Variants in HMCN1 observed in about 807,000 individuals in gnomAD.
HMCN1 encodes the protein hemicentin-1.
A neutral mutation model predicts 625.9 loss-of-function variants in HMCN1; 321 were observed. The ratio of observed to expected loss-of-function variants is 0.51; its 90% CI spans 0.47 to 0.56. The LOEUF is 0.56. HMCN1 is among the 20% of genes least tolerant of loss of function. The probability of loss-of-function intolerance (pLI) is 0.00; values close to 1 mark genes in which losing one functional copy is unlikely to be tolerated. For missense variants in HMCN1, 6,588 were observed against 6,887.3 expected (o/e 0.96, Z 1.54); for synonymous variants, 2,425 against 2,417.6 (o/e 1.00, Z -0.09).
chr1:186,148,157 T>A (rs925868820), intron 93 of HMCN1, among the ~76,000 whole-genome samples: 9 of 152,244 alleles, frequency 5.9e-5, no homozygotes, highest in Non-Finnish European at 1.3e-4. Context: ...GTAGATTCCA[T>A]ATCAAACAAC....
intron 93 of HMCN1, among the ~76,000 whole-genome samples, chr1:186,149,196 G>C (rs1337774777): frequency 6.6e-6 from 1 of 152,154 alleles, no homozygotes; most frequent in Admixed American, 6.5e-5. Context: ...GCCAGGCATT[G>C]ATTTTACTTC....
chr1:186,164,657 G>A (rs1301930967), intron 97 of HMCN1, among the ~76,000 whole-genome samples: 1 of 152,148 alleles, frequency 6.6e-6, no homozygotes, highest in Non-Finnish European at 1.5e-5. Flanking sequence ...TAGTGCTAAT[G>A]CGGGAGATCC....
At chr1:185,764,792 A>T (rs957299374) in intron 1 of HMCN1, among the ~76,000 whole-genome samples, 2 of 152,334 alleles carry the variant, frequency 1.3e-5, no homozygotes, top group South Asian at 2.1e-4. Context: ...GTAATTTGAT[A>T]TAAATAAATT....
Position 185,970,358 on chromosome 1 carries a change from A to G in HMCN1, c.2236A>G (p.Thr746Ala), listed in dbSNP as rs761774209. 19 of 1,613,660 alleles carry G rather than the reference A, an allele frequency of 1.2e-5. No homozygotes were observed. In the South Asian group the frequency reaches 1.3e-4, roughly 11 times the overall value. The change falls in exon 15 of 107, where the codon ACA (threonine) becomes GCA (alanine). Residue 746 changes from threonine to alanine, a missense_variant. Physicochemically the swap from Thr to Ala is moderately conservative, Grantham distance 58 (BLOSUM62 0). Around this residue, in one of 3 missense-constraint regions of HMCN1, gnomAD observed 4,628 missense variants for 4,853.1 expected, o/e 0.95. Transcript: ENST00000271588. The part of the protein sequence containing the change: ...FKGDLELRPS[T>A]FLIIDPLLGL... Reference sequence around the variant, plus strand: ...AGGAGATCTTGAGTTGAGGCCCTCAACATTCCTCATTATTGACCCTCTCTT... The same window carrying G: ...AGGAGATCTTGAGTTGAGGCCCTCAGCATTCCTCATTATTGACCCTCTCTT...
intron 1 of HMCN1, among the ~76,000 whole-genome samples, chr1:185,805,645 G>A (rs1255631393): frequency 6.6e-6 from 1 of 152,072 alleles, no homozygotes. Flanking sequence ...TGATCTTTTT[G>A]CAAATTTATT....
chr1:186,138,661 A>G (rs1021014730), intron 89 of HMCN1, among the ~76,000 whole-genome samples: 9 of 152,174 alleles, frequency 5.9e-5, no homozygotes, highest in African/African-American at 2.2e-4. Flanking sequence ...ACTGGCTCAC[A>G]GGGGCCTTAT....
intron 6 of HMCN1, among the ~76,000 whole-genome samples, chr1:185,915,446 A>G (rs992912574): frequency 1.5e-4 from 23 of 151,988 alleles, no homozygotes; most frequent in African/African-American, 4.8e-4. Context: ...TCAGCACCCA[A>G]TGGGTTTAGG....
rs568152058 is a variant in HMCN1, at chr1:186,023,286, G to A, written c.5749+133G>A. 1.5e-4 allele frequency: 107 copies of A among 717,918 alleles called. No homozygotes were observed. The South Asian group carries it at 1.9e-3, about 13-fold the overall frequency. The allele number at this position is 717,918 out of a possible 1,614,324, so 44.5% of individuals were successfully genotyped here. On this transcript the variant is annotated intron_variant, in intron 36 of 106. Coordinates refer to ENST00000271588, the MANE Select transcript of HMCN1 (RefSeq NM_031935.3). The stretch of plus-strand genomic sequence containing the variant: ...TCTTAGTCTGTATAAAAAAAACCTA[G>A]GGTTTTTTTTTTTTTTTTACATTAT...
chr1:186,078,685 T>A (rs193263937), intron 55 of HMCN1, among the ~76,000 whole-genome samples: 1 of 152,222 alleles, frequency 6.6e-6, no homozygotes, highest in African/African-American at 2.4e-5. Flanking sequence ...GTATTTACAA[T>A]TGAAGCCCTA....
At chr1:185,787,391 TACTC>T (rs977830408) in intron 1 of HMCN1, among the ~76,000 whole-genome samples, 1 of 152,158 alleles carries the variant, frequency 6.6e-6, no homozygotes, top group Non-Finnish European at 1.5e-5. Flanking sequence ...GCGCATGCCA[TACTC>T]AATCAGAGTC....
chr1:186,057,456 T>C (rs576724581), intron 46 of HMCN1, 55 bp downstream of exon 46: 8 of 1,218,268 alleles, frequency 6.6e-6, no homozygotes, highest in Non-Finnish European at 9.7e-6. Flanking sequence ...GGCTACAATT[T>C]CTCCTTAATT....
intron 70 of HMCN1, among the ~76,000 whole-genome samples, chr1:186,107,947 A>G (rs1406345565): frequency 1.3e-5 from 2 of 151,444 alleles, no homozygotes; most frequent in Non-Finnish European, 2.9e-5. Flanking sequence ...GTTCATTCTC[A>G]TAGCCTAAAT....
intron 30 of HMCN1, among the ~76,000 whole-genome samples, chr1:186,008,375 A>T (rs917461882): frequency 1.3e-5 from 2 of 152,172 alleles, no homozygotes; most frequent in African/African-American, 4.8e-5. Flanking sequence ...AATATGAAAA[A>T]TGTAATATAT....
intron 97 of HMCN1, among the ~76,000 whole-genome samples, chr1:186,159,068 G>C (rs1312128870): frequency 1.3e-5 from 2 of 152,042 alleles, no homozygotes; most frequent in Non-Finnish European, 2.9e-5. Flanking sequence ...CATGAGCATG[G>C]AATGTTCTTC....
chr1:186,001,540 A>G lies in HMCN1; in HGVS notation c.4201-54A>G, dbSNP rs1653199662. 3.7e-6 allele frequency: 6 copies of G among 1,606,926 alleles called. No individual in the cohort carries two copies. The East Asian group carries it at 8.9e-5, about 24-fold the overall frequency. ...TATAAACATTCTACTTCAATTTTTA[A>G]TTATGCATTTTTATTAGGATTGGAA... On this transcript the variant is annotated intron_variant, in intron 27 of 106. Coordinates refer to ENST00000271588, the MANE Select transcript of HMCN1 (RefSeq NM_031935.3).
Position 186,000,338 on chromosome 1 carries a change from G to A in HMCN1, c.4069+99G>A, listed in dbSNP as rs1421621270. 2.4e-5 allele frequency: 20 copies of A among 845,112 alleles called. No individual in the cohort carries two copies. In the Admixed American group the frequency reaches 3.8e-4, roughly 16 times the overall value. 52.4% of individuals were successfully genotyped at this position (845,112 alleles called of 1,614,324 possible). ...GTGTAATATCATTTAATATTAATGT[G>A]AATAGCAGTATTACCAAACAGAAAT... On this transcript the variant is annotated intron_variant, in intron 26 of 106. Transcript: ENST00000271588.
At position 186,022,791 on chromosome 1, in the gene HMCN1, C is replaced by T. The variant is rs141462947; in HGVS notation, c.5626-239C>T. 2.1e-3 allele frequency among the ~76,000 whole-genome samples: 324 copies of T among 151,688 alleles called. 5 individuals carry two copies. In the South Asian group the frequency reaches 0.042, roughly 20 times the overall value. On this transcript the variant is annotated intron_variant, in intron 35 of 106. Coordinates refer to ENST00000271588, the MANE Select transcript of HMCN1 (RefSeq NM_031935.3). ...CAGTATGACTATACCAGTAAGCTGGCCTTATGTTATTTTATTTTGTGTTTT... is the reference window on the plus strand; with the variant it reads ...CAGTATGACTATACCAGTAAGCTGGTCTTATGTTATTTTATTTTGTGTTTT...
chr1:185,859,433 T>A (rs192775794), intron 2 of HMCN1, among the ~76,000 whole-genome samples: 1 of 152,174 alleles, frequency 6.6e-6, no homozygotes, highest in African/African-American at 2.4e-5. Flanking sequence ...TTAATTTCAA[T>A]AATCTATTTA....
At chr1:185,746,931 C>G (rs1654445852) in intron 1 of HMCN1, among the ~76,000 whole-genome samples, 1 of 151,968 alleles carries the variant, frequency 6.6e-6, no homozygotes, top group Admixed American at 6.6e-5. Flanking sequence ...CGTGAGGACA[C>G]CAGTCATATT....
Sources: allele counts gnomAD v4.1 joint callset (sites outside exome capture counted in the v4.1 genomes callset), GRCh38; gene constraint gnomAD v4.1.1; regional missense constraint gnomAD v4.1.1; transcripts MANE v1.5; gene names NCBI Gene and HGNC (gene_info 2026-07-23, HGNC 2026-07-21).